Variants in VPS13B observed in about 807,000 individuals in gnomAD.
VPS13B encodes the protein vacuolar protein sorting 13 homolog B, also known as intermembrane lipid transfer protein VPS13B.
Under a neutral mutation model 426.4 loss-of-function variants are expected in VPS13B, and 285 were observed. The observed-to-expected ratio is 0.67, with a 90% confidence interval of 0.61 to 0.74. VPS13B has a LOEUF of 0.74. Ranked by LOEUF, VPS13B falls within the 30% of genes least tolerant of loss-of-function variation. The probability of loss-of-function intolerance (pLI) is 0.00; values close to 1 mark genes in which losing one functional copy is unlikely to be tolerated. For synonymous variants in VPS13B, 1,676 were observed against 1,676.4 expected (o/e 1.00, Z 0.01); for missense variants, 4,537 against 4,782.6 (o/e 0.95, Z 1.51).
intron 30 of VPS13B, among the ~76,000 whole-genome samples, chr8:99,532,559 T>C (rs1042061897): frequency 3.3e-5 from 5 of 152,102 alleles, no homozygotes; most frequent in African/African-American, 1.2e-4. Context: ...TCCAGAAGTA[T>C]ATACAGAATT....
In VPS13B at chr8:99,714,802, C is replaced by CA. The variant is rs910150778; in HGVS notation, c.6455-2366dup. On this transcript the variant is annotated intron_variant, in intron 36 of 61. Transcript: ENST00000357162. ...TCCACAGTATCAAGGTCATGAAAGA[C>CA]AAAGAAAGCTGGGGGATGTGTCACA... Among the ~76,000 whole-genome samples, 38 of 152,030 alleles carry CA rather than the reference C, an allele frequency of 2.5e-4. 1 individual carries two copies. The highest frequency in any genetic ancestry group is 3.4e-3 in the Middle Eastern group (1 of 294).
chr8:99,469,179 T>A (rs1357542528), intron 24 of VPS13B, among the ~76,000 whole-genome samples: 8 of 150,056 alleles, frequency 5.3e-5, no homozygotes, highest in Non-Finnish European at 1.2e-4. Context: ...TTTTTTTTTT[T>A]TTTTTTTTGA....
rs1466940964 is a variant in VPS13B, at chr8:99,828,403, T to G, written c.9331-3966T>G. Among the ~76,000 whole-genome samples the G allele has an allele frequency of 8.1e-4, 29 of 36,006 alleles. 2 individuals are homozygous for G. The highest frequency in any genetic ancestry group is 5.4e-3 in the East Asian group (5 of 918). The allele number at this position is 36,006 out of a possible 152,430, so 23.6% of individuals were successfully genotyped here. A position where few individuals can be genotyped will look rare whatever the true frequency, so the allele number is the denominator to read the frequency against. On this transcript the variant is annotated intron_variant, in intron 51 of 61. Coordinates refer to ENST00000357162, the MANE Select transcript of VPS13B (RefSeq NM_152564.5). Reference sequence around the variant, plus strand: ...TAGGATTACAACCACCGTTTTTTTTTTTTTTTTTTTTTTTTTTTTTTTTTT... The same window carrying G: ...TAGGATTACAACCACCGTTTTTTTTGTTTTTTTTTTTTTTTTTTTTTTTTT...
At chr8:99,386,053 T>C (rs970153029) in intron 20 of VPS13B, among the ~76,000 whole-genome samples, 1 of 152,186 alleles carries the variant, frequency 6.6e-6, no homozygotes, top group Non-Finnish European at 1.5e-5. Context: ...AAGTTTACTC[T>C]AGCAGAATAT....
intron 19 of VPS13B, among the ~76,000 whole-genome samples, chr8:99,337,369 G>C (rs182883298): frequency 1.1e-4 from 14 of 127,744 alleles, no homozygotes; most frequent in African/African-American, 3.7e-4. Context: ...GTTGTGGGGT[G>C]GGGGGAGGGG....
chr8:99,663,466 C>A (rs965985210), intron 35 of VPS13B, among the ~76,000 whole-genome samples: 9 of 152,142 alleles, frequency 5.9e-5, no homozygotes, highest in African/African-American at 1.7e-4. Context: ...AGGTAATAGA[C>A]TGAAGAAGGT....
chr8:99,506,523 T>C (rs1175582275), intron 27 of VPS13B, among the ~76,000 whole-genome samples: 2 of 152,258 alleles, frequency 1.3e-5, no homozygotes, highest in Non-Finnish European at 2.9e-5. Context: ...GTATGTGGTA[T>C]GCACCAAGTG....
intron 31 of VPS13B, among the ~76,000 whole-genome samples, chr8:99,573,320 A>C (rs1187268769): frequency 6.6e-6 from 1 of 152,074 alleles, no homozygotes; most frequent in Non-Finnish European, 1.5e-5. Context: ...CCCATTTGTC[A>C]ATTTTGGCTT....
intron 13 of VPS13B, among the ~76,000 whole-genome samples, chr8:99,144,696 C>T (rs1192730777): frequency 1.3e-5 from 2 of 152,082 alleles, no homozygotes; most frequent in Non-Finnish European, 2.9e-5. Context: ...TTTATTATAC[C>T]TTACTTGAAT....
At chr8:99,313,291 T>G (rs1245198897) in intron 19 of VPS13B, among the ~76,000 whole-genome samples, 1 of 152,148 alleles carries the variant, frequency 6.6e-6, no homozygotes, top group African/African-American at 2.4e-5. Context: ...TTCTGCATCT[T>G]TGTGGTTTTA....
chr8:99,776,704 A>G (rs1811758691), intron 40 of VPS13B, 71 bp from the exon 41 acceptor site: 3 of 1,438,818 alleles, frequency 2.1e-6, no homozygotes, highest in Admixed American at 3.4e-5. Context: ...ACCCTTATAA[A>G]AAGACGTTTC....
intron 19 of VPS13B, among the ~76,000 whole-genome samples, chr8:99,284,743 TAGAG>T (rs1819345664): frequency 6.6e-6 from 1 of 152,056 alleles, no homozygotes; most frequent in Non-Finnish European, 1.5e-5. Context: ...TGTGTTTTTG[TAGAG>T]ACAGAGTCCC....
At chr8:99,781,394 G>A (rs1398859183) in intron 42 of VPS13B, among the ~76,000 whole-genome samples, 2 of 152,128 alleles carry the variant, frequency 1.3e-5, no homozygotes, top group Non-Finnish European at 2.9e-5. Flanking sequence ...GCAAATGCTT[G>A]TATGACACTC....
intron 3 of VPS13B, among the ~76,000 whole-genome samples, chr8:99,080,492 C>T (rs903509002): frequency 6.6e-6 from 1 of 152,016 alleles, no homozygotes; most frequent in African/African-American, 2.4e-5. Context: ...AATTGTTTCT[C>T]TTCCCCTCTG....
chr8:99,707,880 C>G (rs1226742402), intron 36 of VPS13B, among the ~76,000 whole-genome samples: 2 of 152,154 alleles, frequency 1.3e-5, no homozygotes, highest in African/African-American at 4.8e-5. Context: ...TTATACCAGT[C>G]TTTCAAAACC....
chr8:99,630,805 A>T (rs1184555575), intron 33 of VPS13B, among the ~76,000 whole-genome samples: 1 of 152,160 alleles, frequency 6.6e-6, no homozygotes, highest in African/African-American at 2.4e-5. Flanking sequence ...TATATTAGGA[A>T]TGGGAGAGAC....
chr8:99,802,775 T>C (rs1287065107), intron 43 of VPS13B, among the ~76,000 whole-genome samples: 1 of 152,228 alleles, frequency 6.6e-6, no homozygotes, highest in Non-Finnish European at 1.5e-5. Flanking sequence ...CTATGACTGT[T>C]TTTCAGTCAT....
intron 43 of VPS13B, among the ~76,000 whole-genome samples, 199 bp from the exon 44 acceptor site, chr8:99,809,176 C>A (rs897743305): frequency 3.9e-5 from 6 of 152,144 alleles, no homozygotes; most frequent in Non-Finnish European, 7.4e-5. Flanking sequence ...ATCTGAAAAA[C>A]CACATTGACT....
rs146450992 is a variant in VPS13B, at chr8:99,170,074, T to G, written c.2244T>G (p.Asp748Glu). 9.3e-6 allele frequency: 15 copies of G among 1,613,020 alleles called. No individual in the cohort carries two copies. Among genetic ancestry groups the G allele is most frequent in the Non-Finnish European group, 1.2e-5 (14 of 1,179,048 alleles). Residue 748 changes from aspartate (D) to glutamate (E), a missense_variant, in exon 16 of 62, where the codon GAT becomes GAG. This residue lies in a region of VPS13B where 4,311 missense variants were observed against 4,474.3 expected (regional missense o/e 0.96). Transcript: ENST00000357162. ...TCCAGGCAGGACTGACGTCTTTGGA[T>G]TGCAGTGGATCTTACTGCTTACCTG... ...FGFQAGLTSL[D>E]CSGSYCLPVP...
Sources: allele counts gnomAD v4.1 joint callset (sites outside exome capture counted in the v4.1 genomes callset), GRCh38; gene constraint gnomAD v4.1.1; regional missense constraint gnomAD v4.1.1; transcripts MANE v1.5; gene names NCBI Gene and HGNC (gene_info 2026-07-23, HGNC 2026-07-21).